The following RNF212 variants were observed in gnomAD, a reference collection of about 807,000 sequenced individuals.
RNF212 encodes the protein probable E3 SUMO-protein ligase RNF212.
A neutral mutation model predicts 34.7 loss-of-function variants in RNF212; 33 were observed. The observed-to-expected ratio is 0.95, with a 90% CI of 0.72 to 1.27. The LOEUF is 1.27. RNF212 is among the 50% of genes most tolerant of loss of function. The probability of loss-of-function intolerance (pLI) is 0.00; values close to 1 mark genes in which losing one functional copy is unlikely to be tolerated. For synonymous variants in RNF212, 140 were observed against 136.1 expected, an observed-to-expected ratio of 1.03 and a Z score of -0.20; for missense variants, 377 against 362.2, an observed-to-expected ratio of 1.04 and a Z score of -0.33.
intron 3 of RNF212, among the ~76,000 whole-genome samples, chr4:1,061,455 AC>A (rs1267840294): frequency 6.6e-6 from 1 of 152,232 alleles, no homozygotes; most frequent in Non-Finnish European, 1.5e-5. Context: ...AGAGAGCCAG[AC>A]AGAGGCAGCT....
Position 1,056,882 on chromosome 4 carries a change from CG to C in RNF212, n.221-380del, listed in dbSNP as rs572675416. On this transcript the variant is annotated intron_variant and non_coding_transcript_variant, in intron 4 of 4. Transcript: ENST00000503206. Reference sequence around the variant, plus strand: ...CAGGCTGGGGATGCTGATGGGCGGCCGGGGGGGCAGCCTGGCCTGGGAGCCC... The same window carrying C: ...CAGGCTGGGGATGCTGATGGGCGGCCGGGGGGCAGCCTGGCCTGGGAGCCC... 1.3e-5 allele frequency: 13 copies of C among 985,294 alleles called. No homozygotes were observed. In the South Asian group the frequency reaches 1.4e-4, roughly 11 times the overall value. 61.0% of individuals were successfully genotyped at this position (985,294 alleles called of 1,614,324 possible). A position where few individuals can be genotyped will look rare whatever the true frequency, so the allele number is the denominator to read the frequency against.
chr4:1,082,040 C>A (rs1242040090), intron 5 of RNF212: 1 of 231,018 alleles, frequency 4.3e-6, no homozygotes, highest in Non-Finnish European at 8.6e-6. Flanking sequence ...TGGTTGAGCC[C>A]AGGAGTTGGA....
intron 2 of RNF212, 128 bp from the exon 3 acceptor site, chr4:1,096,967 G>C (rs1163978411): frequency 1.4e-6 from 1 of 731,680 alleles, no homozygotes; most frequent in African/African-American, 1.7e-5. Context: ...ATTGTGAATG[G>C]CCTCTCAGGG....
intron 3 of RNF212, 44 bp from the exon 4 acceptor site, chr4:1,090,882 C>A (rs990198479): frequency 2.3e-6 from 3 of 1,286,590 alleles, no homozygotes; most frequent in Admixed American, 1.7e-5. Context: ...GATCCACGGT[C>A]TCTGTGGCTG....
intron 3 of RNF212, among the ~76,000 whole-genome samples, chr4:1,063,438 C>T (rs746702751): frequency 1.1e-4 from 16 of 152,240 alleles, no homozygotes; most frequent in Admixed American, 2.0e-4. Flanking sequence ...TGGCTGGGTA[C>T]GGTGGCTCAT....
downstream of RNF212, chr4:1,071,428 T>C (rs970615700): frequency 4.6e-5 from 7 of 152,158 alleles, no homozygotes; most frequent in African/African-American, 1.7e-4. Flanking sequence ...AATTCTGTTC[T>C]GTGAAAGATA....
In RNF212 at chr4:1,111,050, C is replaced by T. The variant is rs186897279; in HGVS notation, c.109+2306G>A. Among the ~76,000 whole-genome samples, 95 of 152,322 alleles carry T rather than the reference C, an allele frequency of 6.2e-4. 1 individual carries two copies. The highest frequency in any genetic ancestry group is 6.8e-3 in the Middle Eastern group (2 of 294). ...CACTTCCCAGCACCACGAAGGCACA[C>T]GCGTCTCCATCATTCCTAACAATGT... On this transcript the variant is annotated intron_variant, in intron 1 of 9. Transcript: ENST00000433731.
intron 5 of RNF212, 84 bp from the exon 6 acceptor site, chr4:1,081,703 C>A: frequency 1.1e-6 from 1 of 947,944 alleles, no homozygotes; most frequent in South Asian, 1.4e-5. Flanking sequence ...TGTAAGAAGG[C>A]TCTGAATCAG....
At chr4:1,062,772 T>C (rs1717833409) in intron 3 of RNF212, among the ~76,000 whole-genome samples, 1 of 151,960 alleles carries the variant, frequency 6.6e-6, no homozygotes, top group Non-Finnish European at 1.5e-5. Flanking sequence ...TAAAACAACC[T>C]CCACTTGCCG....
intron 3 of RNF212, among the ~76,000 whole-genome samples, chr4:1,059,841 T>A (rs969922749): frequency 6.6e-6 from 1 of 152,208 alleles, no homozygotes; most frequent in Non-Finnish European, 1.5e-5. Flanking sequence ...ATGCCTGTAA[T>A]CCCAGCACTT....
chr4:1,084,875 G>A (rs1035887205), intron 5 of RNF212, among the ~76,000 whole-genome samples: 2 of 151,916 alleles, frequency 1.3e-5, no homozygotes, highest in African/African-American at 4.8e-5. Flanking sequence ...CCAAAATAAC[G>A]ACAGGGGAAA....
At chr4:1,065,629 G>T (rs1718042285) in intron 3 of RNF212, among the ~76,000 whole-genome samples, 1 of 152,062 alleles carries the variant, frequency 6.6e-6, no homozygotes, top group African/African-American at 2.4e-5. Context: ...CACCAGCCTG[G>T]ATAATTTTTT....
At chr4:1,076,030 T>C (rs1719238987) in intron 8 of RNF212, among the ~76,000 whole-genome samples, 2 of 152,196 alleles carry the variant, frequency 1.3e-5, no homozygotes, top group Admixed American at 1.3e-4. Flanking sequence ...TTTTACCTTT[T>C]CAAAAAGATA....
Position 1,111,614 on chromosome 4 carries a change from C to T in RNF212, c.109+1742G>A, listed in dbSNP as rs565768690. Among the ~76,000 whole-genome samples the T allele has an allele frequency of 2.0e-5, 3 of 152,356 alleles. No homozygotes were observed. The East Asian group carries it at 5.8e-4, about 29-fold the overall frequency. The stretch of plus-strand genomic sequence containing the variant: ...AACCTATCACTTCTCCCCATCACCT[C>T]TCATGTGCTCAGCTGCAGTCTCTCC... On this transcript the variant is annotated intron_variant, in intron 1 of 9. Coordinates refer to ENST00000433731, the MANE Select transcript of RNF212 (RefSeq NM_001131034.4).
intron 1 of RNF212, among the ~76,000 whole-genome samples, chr4:1,112,543 C>T (rs1348690971): frequency 6.6e-6 from 1 of 151,960 alleles, no homozygotes; most frequent in East Asian, 1.9e-4. Context: ...CACCAGGGCC[C>T]CGCGCTGCCC....
chr4:1,069,668 C>T (rs1032793812), downstream of RNF212, among the ~76,000 whole-genome samples: 1 of 152,216 alleles, frequency 6.6e-6, no homozygotes, highest in African/African-American at 2.4e-5. Context: ...ATGTGATGTG[C>T]TAAGCAGAGC....
chr4:1,096,645 A>G (rs1282775640), intron 3 of RNF212, 120 bp downstream of exon 3: 7 of 715,114 alleles, frequency 9.8e-6, no homozygotes, highest in Non-Finnish European at 5.0e-6. Flanking sequence ...TCACAGCTCC[A>G]TGGTCTCGGG....
At chr4:1,105,290 G>A (rs1289403795) in intron 2 of RNF212, among the ~76,000 whole-genome samples, 2 of 48,356 alleles carry the variant, frequency 4.1e-5, no homozygotes, top group Non-Finnish European at 7.4e-5. Flanking sequence ...TCTGCTCCGC[G>A]CTCACCGGAG....
At chr4:1,094,847 T>C (rs749751094) in intron 3 of RNF212, among the ~76,000 whole-genome samples, 7 of 152,158 alleles carry the variant, frequency 4.6e-5, no homozygotes, top group Non-Finnish European at 1.0e-4. Context: ...ACCCCAGAAC[T>C]GACTGAGACC....
Sources: allele counts gnomAD v4.1 joint callset (sites outside exome capture counted in the v4.1 genomes callset), GRCh38; gene constraint gnomAD v4.1.1; transcripts MANE v1.5; gene names NCBI Gene and HGNC (gene_info 2026-07-23, HGNC 2026-07-21).